The following BPHL variants were observed in gnomAD, a reference collection of about 807,000 sequenced individuals.
BPHL encodes serine hydrolase BPHL.
Under a neutral mutation model 31.2 loss-of-function variants are expected in BPHL, and 27 were observed. That is an observed-to-expected ratio of 0.87 (90% CI 0.64 to 1.19). BPHL has a LOEUF of 1.19. BPHL is among the 50% of genes most tolerant of loss of function. The pLI is 0.00. For synonymous variants in BPHL, 150 were observed against 146.8 expected, an observed-to-expected ratio of 1.02 and a Z score of -0.16; for missense variants, 356 against 375.7, an observed-to-expected ratio of 0.95 and a Z score of 0.43.
At chr6:3,131,339 G>A (rs974411290) in intron 4 of BPHL, among the ~76,000 whole-genome samples, 1 of 152,092 alleles carries the variant, frequency 6.6e-6, no homozygotes. Flanking sequence ...ATGGCCTGCA[G>A]ATGACCCGGC....
At chr6:3,144,162 G>A (rs374694527) in intron 6 of BPHL, among the ~76,000 whole-genome samples, 11 of 152,130 alleles carry the variant, frequency 7.2e-5, no homozygotes, top group East Asian at 3.9e-4. Context: ...CTGCCTCCTG[G>A]GTTCCTGCCA....
rs1231415853 is a variant in BPHL, at chr6:3,140,901, A to G, written c.788+392A>G. 6.6e-6 allele frequency among the ~76,000 whole-genome samples: 1 copy of G among 152,208 alleles called. No homozygotes were observed. The highest frequency in any genetic ancestry group is 1.5e-5 in the Non-Finnish European group (1 of 68,026). ...AAGCACTGACCACCCAATTTAAAAA[A>G]ATCTGTTAAACCAAATTTCTGATGT... On this transcript the variant is annotated intron_variant, in intron 6 of 6. Coordinates refer to ENST00000380379, the MANE Select transcript of BPHL (RefSeq NM_004332.4). The surrounding 1 kb of genome is among the most constrained non-coding windows in gnomAD (Gnocchi z 5.2).
intron 1 of BPHL, chr6:3,119,500 C>A (rs368060169): frequency 6.2e-7 from 1 of 1,613,968 alleles, no homozygotes; most frequent in Non-Finnish European, 8.5e-7. Context: ...TCCCACCTGT[C>A]CCCCCATTTC....
chr6:3,129,121 AT>A lies in BPHL; in HGVS notation c.456del (p.Pro153HisfsTer8). 1 of 1,613,806 alleles carries A rather than the reference AT, an allele frequency of 6.2e-7. No individual in the cohort carries two copies. Among genetic ancestry groups the A allele is most frequent in the Non-Finnish European group, 8.5e-7 (1 of 1,179,840 alleles). On this transcript the variant is annotated frameshift_variant, in exon 4 of 7. Transcript: ENST00000380379. LOFTEE classifies it high-confidence loss of function. ...ACCGCACTCATTGCTGCTGCAAAAT[AT>A]CCATCTTACATCCACAAGATGGTGA... is the stretch of plus-strand genomic sequence containing the variant. ...GITALIAAAK[Y>X]PSYIHKMVIW...
Position 3,153,542 on chromosome 6 carries a change from T to G in BPHL, c.*967T>G. ...AAACACTAAAGCAGAAATCCTACAT[T>G]GCTATTAAAATTAAACTTTGATTAC... On this transcript the variant is annotated 3_prime_UTR_variant, in exon 7 of 7. Transcript: ENST00000380379. The G allele has an allele frequency of 2.2e-6, 1 of 458,998 alleles. No homozygotes were observed. Among genetic ancestry groups the G allele is most frequent in the Non-Finnish European group, 3.9e-6 (1 of 256,608 alleles). 28.4% of individuals were successfully genotyped at this position (458,998 alleles called of 1,614,324 possible).
chr6:3,119,612 C>T, intron 1 of BPHL: 1 of 1,481,082 alleles, frequency 6.8e-7, no homozygotes, highest in East Asian at 2.3e-5. Context: ...GTGGATAGAG[C>T]GGCATGAAGC....
In BPHL at chr6:3,129,192, T is replaced by C. The variant is rs181458056; in HGVS notation, c.526T>C (p.Tyr176His). Reference protein sequence around the residue: ...AYVTDEDSMIYEGIRDVSKWS... With the variant: ...AYVTDEDSMIHEGIRDVSKWS... Reference sequence around the variant, plus strand: ...CGTCACTGACGAAGACAGCATGATATATGAGGGTAGGTTCTGCGAAGGGGA... The same window carrying C: ...CGTCACTGACGAAGACAGCATGATACATGAGGGTAGGTTCTGCGAAGGGGA... The change falls in exon 4 of 7, where the codon TAT becomes CAT. Residue 176 changes from tyrosine to histidine, a missense_variant. By Grantham distance (83) the Tyr-to-His change is moderately conservative. Transcript: ENST00000380379. 2.5e-6 allele frequency: 4 copies of C among 1,581,924 alleles called. No individual in the cohort carries two copies. Among genetic ancestry groups the C allele is most frequent in the African/African-American group, 1.4e-5 (1 of 73,890 alleles).
At chr6:3,141,540 T>G (rs1762176971) in intron 6 of BPHL, among the ~76,000 whole-genome samples, 1 of 152,182 alleles carries the variant, frequency 6.6e-6, no homozygotes, top group East Asian at 1.9e-4. Context: ...GCTAATTTTT[T>G]GTATTTTCAG....
chr6:3,134,278 T>TA lies in BPHL; in HGVS notation c.533-3083dup, dbSNP rs1761948251. Among the ~76,000 whole-genome samples the TA allele has an allele frequency of 1.3e-5, 2 of 152,104 alleles. 1 individual carries two copies. Among genetic ancestry groups the TA allele is most frequent in the South Asian group, 4.2e-4 (2 of 4,782 alleles). On this transcript the variant is annotated intron_variant, in intron 4 of 6. Transcript: ENST00000380379. ...AACAGTTTCAATGTTATCCCAGTGT[T>TA]ACTCTAATCCTAGTCAGTAACCCCT... is the stretch of plus-strand genomic sequence containing the variant.
intron 5 of BPHL, chr6:3,138,373 T>G (rs989238271): frequency 1.8e-5 from 3 of 162,852 alleles, no homozygotes; most frequent in African/African-American, 7.2e-5. Context: ...AGAATTGACA[T>G]CTTTAAGAGA....
At position 3,140,368 on chromosome 6, in the gene BPHL, G is replaced by T. The variant is rs751350734; in HGVS notation, c.665-18G>T. 3 of 1,613,890 alleles carry T rather than the reference G, an allele frequency of 1.9e-6. No homozygotes were observed. The highest frequency in any genetic ancestry group is 1.7e-6 in the Non-Finnish European group (2 of 1,179,948). On this transcript the variant is annotated intron_variant, in intron 5 of 6. Transcript: ENST00000380379. This position sits in a 1 kb window ranked among gnomAD's most constrained non-coding sequence, Gnocchi z 5.2. The stretch of plus-strand genomic sequence containing the variant: ...ATGGTTGCACTAAAGCAGATTCCTC[G>T]TGCTGTGTATCCGTCAGGTAACATC...
chr6:3,140,392 T>C lies in BPHL; in HGVS notation c.671T>C (p.Ile224Thr). The change falls in exon 6 of 7, where the codon ATC becomes ACC. Residue 224 changes from isoleucine (I) to threonine (T), a missense_variant. By Grantham distance (89) the Ile-to-Thr change is moderately conservative (BLOSUM62 -1). Transcript: ENST00000380379. This position sits in a 1 kb window ranked among gnomAD's most constrained non-coding sequence, Gnocchi z 5.2. ...RQFKHLPDGN[I>T]CRHLLPRVQC... ...CGTGCTGTGTATCCGTCAGGTAACATCTGCCGGCACCTGCTGCCCCGGGTC... is the reference window on the plus strand; with the variant it reads ...CGTGCTGTGTATCCGTCAGGTAACACCTGCCGGCACCTGCTGCCCCGGGTC... 6.2e-7 allele frequency: 1 copy of C among 1,614,120 alleles called. No individual in the cohort carries two copies. The highest frequency in any genetic ancestry group is 8.5e-7 in the Non-Finnish European group (1 of 1,180,028).
At position 3,140,080 on chromosome 6, in the gene BPHL, T is replaced by C; in HGVS notation, c.665-306T>C. On this transcript the variant is annotated intron_variant, in intron 5 of 6. Coordinates refer to ENST00000380379, the MANE Select transcript of BPHL (RefSeq NM_004332.4). The surrounding 1 kb of genome is among the most constrained non-coding windows in gnomAD (Gnocchi z 5.2). Reference sequence around the variant, plus strand: ...CTGTTTTCACGGTGGGAACCGCCACTGTGGAATATAGTGGTGGGGTGTTTA... The same window carrying C: ...CTGTTTTCACGGTGGGAACCGCCACCGTGGAATATAGTGGTGGGGTGTTTA... 1 of 336,944 alleles carries C rather than the reference T, an allele frequency of 3.0e-6. No individual in the cohort carries two copies. The highest frequency in any genetic ancestry group is 5.5e-6 in the Non-Finnish European group (1 of 181,478). 20.9% of individuals were successfully genotyped at this position (336,944 alleles called of 1,614,324 possible).
At chr6:3,142,846 A>G (rs1232151617) in intron 6 of BPHL, among the ~76,000 whole-genome samples, 1 of 152,222 alleles carries the variant, frequency 6.6e-6, no homozygotes, top group Non-Finnish European at 1.5e-5. Flanking sequence ...GCCAGGTTCA[A>G]TTAAAGTCAG....
chr6:3,152,412 A>C, intron 6 of BPHL, 76 bp from the exon 7 acceptor site: 1 of 1,263,424 alleles, frequency 7.9e-7, no homozygotes, highest in Non-Finnish European at 1.1e-6. Context: ...GATGTTTGTG[A>C]AATGTTGGGG....
chr6:3,152,238 T>C (rs1235512060), intron 6 of BPHL, among the ~76,000 whole-genome samples: 1 of 152,246 alleles, frequency 6.6e-6, no homozygotes, highest in Non-Finnish European at 1.5e-5. Context: ...GTTCCAAATA[T>C]AATGTGTGTC....
chr6:3,141,154 C>G (rs529408065), intron 6 of BPHL, among the ~76,000 whole-genome samples: 4 of 152,292 alleles, frequency 2.6e-5, no homozygotes, highest in African/African-American at 9.6e-5. Flanking sequence ...TTACTATATC[C>G]ATAATGGATA....
chr6:3,150,045 T>A (rs780478944), intron 6 of BPHL: 2 of 152,244 alleles, frequency 1.3e-5, no homozygotes, highest in Non-Finnish European at 2.9e-5. Flanking sequence ...TCAGAAGGAA[T>A]GCCTGAAGAA....
At chr6:3,127,177 T>C (rs1561790340) in intron 2 of BPHL, 65 bp from the exon 3 acceptor site, 34 of 1,122,112 alleles carry the variant, frequency 3.0e-5, no homozygotes, top group Non-Finnish European at 4.2e-5. Context: ...ATTGCTTCTG[T>C]TTTCACTGTA....
Sources: gnomAD v4.1 joint callset for allele counts (sites outside exome capture counted in the v4.1 genomes callset) on GRCh38, gnomAD v4.1.1 for gene constraint, Gnocchi (gnomAD v3.1) non-coding constraint, MANE v1.5 for transcripts, NCBI Gene and HGNC (gene_info 2026-07-23, HGNC 2026-07-21) for gene names.